Variants in SVEP1 observed in about 807,000 individuals in gnomAD.
The protein encoded by SVEP1 is sushi, von Willebrand factor type A, EGF and pentraxin domain-containing protein 1.
In SVEP1, 164 loss-of-function variants were observed where a neutral mutation model predicts 367.3. The ratio of observed to expected loss-of-function variants is 0.45; its 90% confidence interval spans 0.39 to 0.51. The LOEUF (loss-of-function observed/expected upper bound fraction) is 0.51, where lower values mean the gene tolerates loss of function less well. SVEP1 is among the 20% of genes least tolerant of loss of function. SVEP1 has a pLI of 0.00. For missense variants in SVEP1, 4,117 were observed against 4,425.3 expected, an observed-to-expected ratio of 0.93 and a Z score of 1.98; for synonymous variants, 1,666 against 1,611.6, an observed-to-expected ratio of 1.03 and a Z score of -0.81.
chr9:110,447,391 C>A (rs984169746), intron 24 of SVEP1, among the ~76,000 whole-genome samples: 2 of 152,112 alleles, frequency 1.3e-5, no homozygotes, highest in African/African-American at 2.4e-5. Context: ...ATATGTTAAG[C>A]CAATTTTCAT....
At chr9:110,532,338 T>A (rs1386247369) in intron 3 of SVEP1, among the ~76,000 whole-genome samples, 1 of 152,150 alleles carries the variant, frequency 6.6e-6, no homozygotes, top group Admixed American at 6.6e-5. Context: ...TCTAGCTGTG[T>A]CAGAGCTATA....
intron 3 of SVEP1, among the ~76,000 whole-genome samples, chr9:110,526,146 C>T (rs1451636249): frequency 6.6e-6 from 1 of 151,994 alleles, no homozygotes; most frequent in African/African-American, 2.4e-5. Flanking sequence ...AGACTTGACA[C>T]CAAAAGCAGA....
rs938909676 is a variant in SVEP1 at position 110,503,027 on chromosome 9, T to C, written c.1483+11A>G. ...GAATCACTCAAGGCATTACACCTTC[T>C]AGAAACTTACCCACACACCGGGGTT... is the stretch of plus-strand genomic sequence containing the variant. On this transcript the variant is annotated intron_variant, in intron 6 of 47. Transcript: ENST00000374469. The C allele has an allele frequency of 1.9e-6, 3 of 1,607,374 alleles. No individual in the cohort carries two copies. Among genetic ancestry groups the C allele is most frequent in the Admixed American group, 3.4e-5 (2 of 58,846 alleles).
chr9:110,392,402 G>A (rs2148877), intron 40 of SVEP1, among the ~76,000 whole-genome samples: 29,401 of 151,762 alleles, frequency 0.19, 3,001 homozygotes, highest in Middle Eastern at 0.32. Flanking sequence ...GATAATTTCC[G>A]TATTCATTTT....
intron 32 of SVEP1, among the ~76,000 whole-genome samples, chr9:110,431,345 C>T (rs565479529): frequency 3.9e-4 from 59 of 152,214 alleles, no homozygotes; most frequent in African/African-American, 1.3e-3. Context: ...AAATAAAGAA[C>T]TGTTTATATG....
chr9:110,509,842 C>T (rs1259663467), intron 5 of SVEP1, among the ~76,000 whole-genome samples: 2 of 152,178 alleles, frequency 1.3e-5, no homozygotes, highest in Non-Finnish European at 1.5e-5. Flanking sequence ...AAATTCTGTG[C>T]TCATAATGAA....
At chr9:110,500,771 C>T (rs1198324212) in intron 6 of SVEP1, among the ~76,000 whole-genome samples, 1 of 152,020 alleles carries the variant, frequency 6.6e-6, no homozygotes, top group Non-Finnish European at 1.5e-5. Context: ...ATCTGTATGG[C>T]AATCCTTGCA....
chr9:110,385,191 G>A (rs1827501625), intron 43 of SVEP1, among the ~76,000 whole-genome samples: 2 of 152,122 alleles, frequency 1.3e-5, no homozygotes, highest in South Asian at 4.2e-4. Context: ...ATGTTGGCTG[G>A]GCTGGTCTTG....
intron 2 of SVEP1, among the ~76,000 whole-genome samples, chr9:110,546,676 C>T (rs1231666556): frequency 1.3e-5 from 2 of 152,174 alleles, no homozygotes; most frequent in East Asian, 1.9e-4. Context: ...GCCCCAGCAA[C>T]GAGTCCCCAG....
Position 110,411,485 on chromosome 9 carries a change from G to T in SVEP1, c.6226C>A (p.Pro2076Thr), listed in dbSNP as rs1347474842. ...TCACAGAAATGAGCTATACAACGGG[G>T]CATGTCTTGACCTTCTGGGGGTACC... ...KWVPPEGQDM[P>T]RCIAHFCEKP... The change falls in exon 37 of 48, where the codon CCC becomes ACC. Residue 2076 changes from proline to threonine, a missense_variant. By Grantham distance (38) the Pro-to-Thr change is conservative (BLOSUM62 -1). Coordinates refer to ENST00000374469, the MANE Select transcript of SVEP1 (RefSeq NM_153366.4). 1.2e-6 allele frequency: 2 copies of T among 1,613,898 alleles called. No individual in the cohort carries two copies. Among genetic ancestry groups the T allele is most frequent in the Admixed American group, 1.7e-5 (1 of 59,988 alleles).
intron 20 of SVEP1, among the ~76,000 whole-genome samples, chr9:110,457,642 C>T (rs1037756648): frequency 5.3e-5 from 8 of 152,176 alleles, no homozygotes; most frequent in Admixed American, 3.9e-4. Flanking sequence ...AAGGTCAGGG[C>T]GTCAACCCAG....
intron 8 of SVEP1, among the ~76,000 whole-genome samples, chr9:110,491,010 GTTTT>G: frequency 6.6e-6 from 1 of 151,642 alleles, no homozygotes; most frequent in South Asian, 2.1e-4. Flanking sequence ...TTTGATGGTA[GTTTT>G]TTTTATGATT....
intron 1 of SVEP1, among the ~76,000 whole-genome samples, chr9:110,566,488 C>T (rs1028886938): frequency 6.6e-6 from 1 of 152,036 alleles, no homozygotes; most frequent in Non-Finnish European, 1.5e-5. Flanking sequence ...CATGATTCAT[C>T]CAAGGAACTT....
rs1257744344 is a variant in SVEP1 at position 110,499,208 on chromosome 9, T to C, written c.1514A>G (p.Lys505Arg). The change falls in exon 7 of 48, where the codon AAA (lysine) becomes AGA (arginine). Residue 505 changes from lysine (K) to arginine (R), a missense_variant. Physicochemically the swap from Lys to Arg is conservative, Grantham distance 26 (BLOSUM62 2). This residue lies in a region of SVEP1 where 2,174 missense variants were observed against 2,494.3 expected (regional missense o/e 0.87). Transcript: ENST00000374469. ...GTTGTGGGGGGATATGATGACATCTTTGGGCATCTGAAAGGTGGAACAGTG... is the reference window on the plus strand; with the variant it reads ...GTTGTGGGGGGATATGATGACATCTCTGGGCATCTGAAAGGTGGAACAGTG... ...ERHCSTFQMP[K>R]DVIISPHNCG... is the part of the protein sequence containing the mutation. 9 of 1,612,992 alleles carry C rather than the reference T, an allele frequency of 5.6e-6. No individual in the cohort carries two copies. Among genetic ancestry groups the C allele is most frequent in the Middle Eastern group, 1.6e-4 (1 of 6,062 alleles).
chr9:110,435,564 C>T (rs1264058958), intron 28 of SVEP1, among the ~76,000 whole-genome samples, 200 bp from the exon 29 acceptor site: 1 of 152,156 alleles, frequency 6.6e-6, no homozygotes, highest in African/African-American at 2.4e-5. Context: ...CTCCCAGCTA[C>T]TTCTCCCACT....
At chr9:110,575,850 A>G (rs909287885) in intron 1 of SVEP1, among the ~76,000 whole-genome samples, 4 of 152,228 alleles carry the variant, frequency 2.6e-5, no homozygotes, top group Non-Finnish European at 5.9e-5. Flanking sequence ...GGGTATTCAA[A>G]AAAAGGAGCT....
chr9:110,482,316 G>A (rs1829204206), intron 11 of SVEP1, 45 bp downstream of exon 11: 1 of 1,585,986 alleles, frequency 6.3e-7, no homozygotes, highest in African/African-American at 1.3e-5. Flanking sequence ...GCAATGACAT[G>A]TGTCAAATGT....
chr9:110,412,253 T>G (rs1054144482), intron 36 of SVEP1, among the ~76,000 whole-genome samples: 5 of 152,230 alleles, frequency 3.3e-5, no homozygotes, highest in Non-Finnish European at 7.3e-5. Flanking sequence ...TAAGCTACAA[T>G]GTACAATGCC....
chr9:110,531,191 A>G (rs1220701686), intron 3 of SVEP1, among the ~76,000 whole-genome samples: 1 of 152,198 alleles, frequency 6.6e-6, no homozygotes, highest in East Asian at 1.9e-4. Flanking sequence ...TTTTGTCTTA[A>G]ATATTTCATA....
Sources: gnomAD v4.1 joint callset for allele counts (sites outside exome capture counted in the v4.1 genomes callset) on GRCh38, gnomAD v4.1.1 for gene constraint, gnomAD v4.1.1 regional missense constraint, MANE v1.5 for transcripts, NCBI Gene and HGNC (gene_info 2026-07-23, HGNC 2026-07-21) for gene names.